Variants in TSHZ2 observed in about 807,000 individuals in gnomAD.
The protein encoded by TSHZ2 is teashirt homolog 2.
A neutral mutation model predicts 74.4 loss-of-function variants in TSHZ2; 21 were observed. The observed-to-expected ratio is 0.28, with a 90% CI of 0.20 to 0.41. The LOEUF (loss-of-function observed/expected upper bound fraction) is 0.41, where lower values mean the gene tolerates loss of function less well. TSHZ2 is among the 10% of genes least tolerant of loss of function. The pLI, the probability that TSHZ2 is intolerant of heterozygous loss-of-function variation, is 1.00. For synonymous variants in TSHZ2, 540 were observed against 515.3 expected (o/e 1.05, Z -0.65); for missense variants, 1,244 against 1,293.5 (o/e 0.96, Z 0.59).
intron 1 of TSHZ2, among the ~76,000 whole-genome samples, chr20:53,035,301 T>A (rs1389306653): frequency 6.6e-6 from 1 of 152,216 alleles, no homozygotes; most frequent in Non-Finnish European, 1.5e-5. Context: ...GAACCTCACC[T>A]CTGACTCCCA....
chr20:53,312,498 G>A (rs989813301), intron 2 of TSHZ2, among the ~76,000 whole-genome samples: 2 of 152,172 alleles, frequency 1.3e-5, no homozygotes, highest in African/African-American at 4.8e-5. Context: ...AAAGCGACAG[G>A]AGCCAGGCAG....
intron 2 of TSHZ2, among the ~76,000 whole-genome samples, chr20:53,378,069 G>A (rs931079753): frequency 1.3e-5 from 2 of 152,254 alleles, no homozygotes; most frequent in Non-Finnish European, 2.9e-5. Flanking sequence ...GGCCAGGCAC[G>A]GTGGTTCACG....
chr20:53,223,032 C>T (rs1989600659), intron 1 of TSHZ2, among the ~76,000 whole-genome samples: 1 of 152,098 alleles, frequency 6.6e-6, no homozygotes, highest in African/African-American at 2.4e-5. Flanking sequence ...GAACAAGCCA[C>T]CTTTTAAGTG....
chr20:53,281,518 A>C (rs973190466), intron 2 of TSHZ2, among the ~76,000 whole-genome samples: 1 of 152,222 alleles, frequency 6.6e-6, no homozygotes, highest in African/African-American at 2.4e-5. Context: ...ATGATTAAGC[A>C]TGGCTGAGTT....
chr20:53,363,273 G>A (rs1981134754), intron 2 of TSHZ2, among the ~76,000 whole-genome samples: 1 of 152,220 alleles, frequency 6.6e-6, no homozygotes, highest in South Asian at 2.1e-4. Flanking sequence ...TTCTGCATCA[G>A]CTACTTAAAT....
intron 1 of TSHZ2, among the ~76,000 whole-genome samples, chr20:53,165,057 A>T (rs959616835): frequency 2.6e-5 from 4 of 152,188 alleles, no homozygotes; most frequent in Admixed American, 2.6e-4. Flanking sequence ...AGAGGCTGGC[A>T]TGAATGAGTC....
At chr20:53,019,215 T>C (rs1048535686) in intron 1 of TSHZ2, among the ~76,000 whole-genome samples, 2 of 151,900 alleles carry the variant, frequency 1.3e-5, no homozygotes, top group Non-Finnish European at 1.5e-5. Flanking sequence ...CCTCCCAGAC[T>C]GTGTTTCAAA....
At chr20:53,059,123 C>G (rs140964185) in intron 1 of TSHZ2, among the ~76,000 whole-genome samples, 2 of 142,046 alleles carry the variant, frequency 1.4e-5, no homozygotes, top group Admixed American at 7.4e-5. Context: ...TAAAATGAGT[C>G]CATGGATAAC....
At chr20:53,286,508 TC>T (rs1355724417) in intron 2 of TSHZ2, among the ~76,000 whole-genome samples, 34 of 152,304 alleles carry the variant, frequency 2.2e-4, no homozygotes, top group African/African-American at 7.2e-4. Flanking sequence ...TTATTGTTTT[TC>T]TTTTTTTTTG....
chr20:53,341,282 C>A (rs147125565), intron 2 of TSHZ2, among the ~76,000 whole-genome samples: 1 of 152,120 alleles, frequency 6.6e-6, no homozygotes, highest in South Asian at 2.1e-4. Flanking sequence ...CACCAGGGAA[C>A]GAATACAACA....
intron 2 of TSHZ2, among the ~76,000 whole-genome samples, chr20:53,346,290 A>C (rs146021615): frequency 2.6e-5 from 4 of 152,284 alleles, no homozygotes; most frequent in African/African-American, 9.6e-5. Flanking sequence ...TTCTTGATTG[A>C]GTTTCACTGA....
At chr20:53,396,908 T>C (rs966998676) in intron 2 of TSHZ2, among the ~76,000 whole-genome samples, 1 of 147,004 alleles carries the variant, frequency 6.8e-6, no homozygotes, top group African/African-American at 2.5e-5. Context: ...TCTCTAAAAA[T>C]TACCAAGGCA....
intron 2 of TSHZ2, among the ~76,000 whole-genome samples, chr20:53,349,104 G>A (rs1980547223): frequency 6.6e-6 from 1 of 152,230 alleles, no homozygotes; most frequent in Admixed American, 6.5e-5. Context: ...CCCCAAGGCA[G>A]GGGCAAAGTG....
intron 1 of TSHZ2, among the ~76,000 whole-genome samples, chr20:53,150,098 G>A (rs932735010): frequency 6.6e-6 from 1 of 152,196 alleles, no homozygotes; most frequent in Non-Finnish European, 1.5e-5. Flanking sequence ...AATCTTCATA[G>A]CAATCCTATG....
chr20:53,255,384 A>G lies in TSHZ2; in HGVS notation c.1926A>G (p.Glu642=). 1 of 1,614,024 alleles carries G rather than the reference A, an allele frequency of 6.2e-7. No individual in the cohort carries two copies. Among genetic ancestry groups the G allele is most frequent in the East Asian group, 2.2e-5 (1 of 44,886 alleles). ...TCCGCAAAAGTGAAACACCTCCAGAAGCCAAAAAGACCGAGCTGGGTCCCC... is the reference window on the plus strand; with the variant it reads ...TCCGCAAAAGTGAAACACCTCCAGAGGCCAAAAAGACCGAGCTGGGTCCCC... The part of the protein sequence containing the change: ...DSFRKSETPP[E]AKKTELGPLK... Residue 642 remains glutamate, a synonymous_variant, in exon 2 of 3, where the codon GAA becomes GAG. Coordinates refer to ENST00000371497, the MANE Select transcript of TSHZ2 (RefSeq NM_173485.6). This position sits in a 1 kb window ranked among gnomAD's most constrained non-coding sequence, Gnocchi z 4.1.
intron 1 of TSHZ2, among the ~76,000 whole-genome samples, chr20:52,975,167 T>C (rs2122853782): frequency 6.6e-6 from 1 of 152,296 alleles, no homozygotes; most frequent in South Asian, 2.1e-4. Flanking sequence ...AGCTACATTA[T>C]TAGAGATAAC....
intron 1 of TSHZ2, 118 bp from the exon 2 acceptor site, chr20:53,253,381 A>C (rs1990371892): frequency 3.4e-6 from 5 of 1,478,942 alleles, no homozygotes; most frequent in Non-Finnish European, 2.7e-6. Flanking sequence ...ACAGTGCATA[A>C]AAATGTAGAT....
intron 1 of TSHZ2, among the ~76,000 whole-genome samples, chr20:53,222,784 G>A (rs560141193): frequency 8.5e-5 from 13 of 152,112 alleles, no homozygotes; most frequent in Non-Finnish European, 1.9e-4. Context: ...GACCCAGGTG[G>A]GATCCAATCA....
At position 53,056,954 on chromosome 20, in the gene TSHZ2, G is replaced by A. The variant is rs540546467; in HGVS notation, c.40+83621G>A. Among the ~76,000 whole-genome samples, 3 of 152,246 alleles carry A rather than the reference G, an allele frequency of 2.0e-5. No homozygotes were observed. The South Asian group carries it at 6.2e-4, about 32-fold the overall frequency. ...CACCCAAATCTCATCCTGAATTGTA[G>A]CTCCCATAATTCCCGCGTGTCGTGG... is the stretch of plus-strand genomic sequence containing the variant. On this transcript the variant is annotated intron_variant, in intron 1 of 2. Transcript: ENST00000371497.
Sources: allele counts gnomAD v4.1 joint callset (sites outside exome capture counted in the v4.1 genomes callset), GRCh38; gene constraint gnomAD v4.1.1; non-coding constraint Gnocchi (gnomAD v3.1); transcripts MANE v1.5; gene names NCBI Gene and HGNC (gene_info 2026-07-23, HGNC 2026-07-21).